Variants in ANK2 observed in about 807,000 individuals in gnomAD.
ANK2 encodes ankyrin 2.
A neutral mutation model predicts 360.5 loss-of-function variants in ANK2; 83 were observed. The ratio of observed to expected loss-of-function variants is 0.23; its 90% CI spans 0.19 to 0.28. The LOEUF (loss-of-function observed/expected upper bound fraction) is 0.28, where lower values mean the gene tolerates loss of function less well. Among genes scored for constraint, ANK2 ranks in the 10% least tolerant of loss-of-function variants. The pLI is 1.00. For synonymous variants in ANK2, 1,740 were observed against 1,759.5 expected (o/e 0.99, Z 0.28); for missense variants, 4,201 against 4,795.7 (o/e 0.88, Z 3.66).
chr4:112,856,061 A>G (rs2066328137), intron 1 of ANK2, among the ~76,000 whole-genome samples: 1 of 152,176 alleles, frequency 6.6e-6, no homozygotes, highest in Admixed American at 6.5e-5. Context: ...TGGACTCCAC[A>G]TAGAAATAGA....
At chr4:112,957,125 A>G (rs532569645) in intron 2 of ANK2, among the ~76,000 whole-genome samples, 9 of 150,782 alleles carry the variant, frequency 6.0e-5, no homozygotes, top group Admixed American at 5.9e-4. Flanking sequence ...ACAAGTGAAC[A>G]AAGGTCTCTG....
At chr4:113,030,814 C>G (rs886918613) in intron 2 of ANK2, among the ~76,000 whole-genome samples, 6 of 151,974 alleles carry the variant, frequency 3.9e-5, no homozygotes, top group Non-Finnish European at 8.8e-5. Context: ...TAGATGAGTA[C>G]AGGTTTAAAA....
intron 1 of ANK2, among the ~76,000 whole-genome samples, chr4:112,856,037 T>A (rs1269646526): frequency 6.6e-6 from 1 of 152,194 alleles, no homozygotes. Flanking sequence ...CTGTTTGGCT[T>A]GCTCATTTCT....
At chr4:112,762,490 T>C in the ANK2 span, among the ~76,000 whole-genome samples, 3 of 152,192 alleles carry the variant, frequency 2.0e-5, no homozygotes, top group Non-Finnish European at 4.4e-5. Context: ...AGTAAAGGCA[T>C]GTGAATGCTT....
intron 26 of ANK2, among the ~76,000 whole-genome samples, chr4:113,327,599 G>C (rs942272300): frequency 1.3e-5 from 2 of 152,162 alleles, no homozygotes; most frequent in African/African-American, 4.8e-5. Context: ...ACTGTGCCAG[G>C]CTCTAGAGGA....
intron 2 of ANK2, among the ~76,000 whole-genome samples, chr4:112,909,418 C>T (rs2086333425): frequency 6.6e-6 from 1 of 152,126 alleles, no homozygotes; most frequent in South Asian, 2.1e-4. Context: ...ACCATCAAAT[C>T]AAATGGGAGA....
At chr4:112,925,974 A>T (rs2154229490) in intron 2 of ANK2, among the ~76,000 whole-genome samples, 1 of 152,338 alleles carries the variant, frequency 6.6e-6, no homozygotes, top group South Asian at 2.1e-4. Context: ...AATTTCAGAA[A>T]TAACTTGCTT....
In ANK2 at chr4:113,341,691, C is replaced by G; in HGVS notation, c.3897C>G (p.Phe1299Leu). The change falls in exon 33 of 46, where the codon TTC (phenylalanine) becomes TTG (leucine). Residue 1299 changes from phenylalanine (F) to leucine (L), a missense_variant. Around this residue, in one of 4 missense-constraint regions of ANK2, gnomAD observed 1,268 missense variants for 1,650.8 expected, o/e 0.77. Coordinates refer to ENST00000357077, the MANE Select transcript of ANK2 (RefSeq NM_001148.6). ...CTGACTTTATTTATTTTAATAGGTT[C>G]TGGCTGATAGATTGTCGACAGATCC... ...VSFTTNVSARFWLIDCRQIQE... is the reference protein window; with the variant it reads ...VSFTTNVSARLWLIDCRQIQE... The G allele has an allele frequency of 6.2e-7, 1 of 1,613,954 alleles. No homozygotes were observed. Among genetic ancestry groups the G allele is most frequent in the Non-Finnish European group, 8.5e-7 (1 of 1,179,922 alleles).
At chr4:113,311,542 A>G (rs1156728318) in intron 24 of ANK2, 143 bp downstream of exon 24, 2 of 1,139,070 alleles carry the variant, frequency 1.8e-6, no homozygotes, top group African/African-American at 1.5e-5. Context: ...ATGTTTTTCC[A>G]TTGTCTAACA....
At chr4:113,381,338 G>C in intron 45 of ANK2, 119 bp from the exon 46 acceptor site, 1 of 1,055,314 alleles carries the variant, frequency 9.5e-7, no homozygotes, top group Non-Finnish European at 1.5e-6. Context: ...CTAATAGTTT[G>C]CTGTGGAAAC....
intron 1 of ANK2, among the ~76,000 whole-genome samples, chr4:113,116,551 G>C (rs1296295042): frequency 6.6e-6 from 1 of 152,148 alleles, no homozygotes; most frequent in Non-Finnish European, 1.5e-5. Flanking sequence ...AACTCCAACT[G>C]TGCTCCTCTT....
chr4:113,354,991 C>T lies in ANK2; in HGVS notation c.6373C>T (p.Gln2125Ter). ...TGATGAGCAGGGAGACATGGATCTA[C>T]AGATCAGCCCAGATAGGAAAACCTC... Reference protein sequence around the residue: ...MADEQGDMDLQISPDRKTSTD... With the variant: ...MADEQGDMDL The change falls in exon 38 of 46, where the codon CAG (glutamine) becomes TAG (stop). Residue 2125 changes from glutamine to a stop codon, truncating the protein, a stop_gained. Coordinates refer to ENST00000357077, the MANE Select transcript of ANK2 (RefSeq NM_001148.6). LOFTEE classifies it high-confidence loss of function. 6.2e-7 allele frequency: 1 copy of T among 1,614,084 alleles called. No homozygotes were observed. Among genetic ancestry groups the T allele is most frequent in the South Asian group, 1.1e-5 (1 of 91,070 alleles).
At chr4:112,903,619 C>T (rs2084200499) in intron 1 of ANK2, among the ~76,000 whole-genome samples, 1 of 152,118 alleles carries the variant, frequency 6.6e-6, no homozygotes, top group African/African-American at 2.4e-5. Context: ...TCATGAAAGT[C>T]TGATATATTG....
chr4:112,968,751 G>A (rs1324766327), intron 2 of ANK2, among the ~76,000 whole-genome samples: 1 of 152,162 alleles, frequency 6.6e-6, no homozygotes, highest in Admixed American at 6.5e-5. Context: ...ATTATTTAAT[G>A]AACTTAGCAT....
rs369886800 is a variant in ANK2, at chr4:113,358,399, C to T, written c.9781C>T (p.Leu3261Phe). Residue 3261 changes from leucine to phenylalanine, a missense_variant, in exon 38 of 46, where the codon CTC becomes TTC. Leu to Phe is a conservative substitution (Grantham distance 22, BLOSUM62 0). Coordinates refer to ENST00000357077, the MANE Select transcript of ANK2 (RefSeq NM_001148.6). Reference sequence around the variant, plus strand: ...ACAAGTCCAGTTAGATTTTTCCACACTCACCAGGTCTGTTTATTCAGATAG... The same window carrying T: ...ACAAGTCCAGTTAGATTTTTCCACATTCACCAGGTCTGTTTATTCAGATAG... ...AVQVQLDFSTLTRSVYSDRGD... is the reference protein window; with the variant it reads ...AVQVQLDFSTFTRSVYSDRGD... The T allele has an allele frequency of 4.3e-6, 7 of 1,614,002 alleles. No individual in the cohort carries two copies. Among genetic ancestry groups the T allele is most frequent in the Non-Finnish European group, 5.1e-6 (6 of 1,179,990 alleles).
chr4:112,804,080 G>A, the ANK2 span, among the ~76,000 whole-genome samples: 15 of 151,132 alleles, frequency 9.9e-5, 1 homozygote, highest in South Asian at 2.5e-3. Flanking sequence ...GGGCAGTGGC[G>A]CGATCTCGGC....
At chr4:112,974,872 C>T (rs976728550) in intron 2 of ANK2, among the ~76,000 whole-genome samples, 78 of 150,732 alleles carry the variant, frequency 5.2e-4, no homozygotes, top group African/African-American at 1.8e-3. Context: ...TGAACACAGG[C>T]GTGGCCTATG....
the ANK2 span, among the ~76,000 whole-genome samples, chr4:112,806,481 C>A: frequency 6.6e-6 from 1 of 152,158 alleles, no homozygotes; most frequent in Non-Finnish European, 1.5e-5. Context: ...GATTCCAAAT[C>A]TTGGCTATTG....
At chr4:113,023,478 G>A (rs1336232322) in intron 2 of ANK2, among the ~76,000 whole-genome samples, 1 of 152,142 alleles carries the variant, frequency 6.6e-6, no homozygotes, top group East Asian at 1.9e-4. Flanking sequence ...ACTCTGCCTG[G>A]AATGCTCTAT....
Sources: allele counts gnomAD v4.1 joint callset (sites outside exome capture counted in the v4.1 genomes callset), GRCh38; gene constraint gnomAD v4.1.1; regional missense constraint gnomAD v4.1.1; transcripts MANE v1.5; gene names NCBI Gene and HGNC (gene_info 2026-07-23, HGNC 2026-07-21).